The following INSL6 variants were observed in gnomAD, a reference collection of about 807,000 sequenced individuals.
The protein encoded by INSL6 is insulin-like peptide INSL6.
INSL6 carries 16 observed loss-of-function variants against 9.4 expected under a neutral mutation model. That is an observed-to-expected ratio of 1.70 (90% CI 1.15 to 2.59). The LOEUF (loss-of-function observed/expected upper bound fraction) is 2.59. INSL6 is among the 30% of genes most tolerant of loss of function. The pLI is 0.00. For missense variants in INSL6, 391 were observed against 257.3 expected, an observed-to-expected ratio of 1.52 and a Z score of -3.56; for synonymous variants, 154 against 96.9, an observed-to-expected ratio of 1.59 and a Z score of -3.46.
the INSL6 span, chr9:5,085,233 G>A: frequency 1.5e-6 from 1 of 670,656 alleles, no homozygotes; most frequent in South Asian, 1.4e-5. Flanking sequence ...AGGCAAATAG[G>A]ACAGGACCAG....
intron 2 of INSL6, among the ~76,000 whole-genome samples, chr9:5,152,787 G>A (rs992285008): frequency 2.0e-5 from 3 of 152,158 alleles, no homozygotes; most frequent in East Asian, 3.8e-4. Context: ...AGCTCCAGTC[G>A]GCAGCTACCA....
At chr9:5,138,774 T>TA (rs1359092496) in intron 2 of INSL6, among the ~76,000 whole-genome samples, 2 of 151,910 alleles carry the variant, frequency 1.3e-5, no homozygotes, top group African/African-American at 4.8e-5. Flanking sequence ...ATTTAATATC[T>TA]AAAAAAATAG....
At chr9:5,070,409 C>G in the INSL6 span, among the ~76,000 whole-genome samples, 23 of 152,032 alleles carry the variant, frequency 1.5e-4, no homozygotes, top group African/African-American at 4.8e-4. Context: ...AGAAAAAAAT[C>G]CAGCCATCTC....
chr9:5,103,150 A>G, the INSL6 span, among the ~76,000 whole-genome samples: 2 of 147,892 alleles, frequency 1.4e-5, no homozygotes, highest in African/African-American at 2.5e-5. Flanking sequence ...CAGGAGACCA[A>G]TCTCATGTGC....
chr9:5,088,059 G>GTGT, the INSL6 span, among the ~76,000 whole-genome samples: 6 of 152,178 alleles, frequency 3.9e-5, no homozygotes, highest in Non-Finnish European at 8.8e-5. Context: ...TTTCTAAAAT[G>GTGT]TGTTTTGGAA....
At chr9:5,141,201 A>T (rs1324207254) in intron 2 of INSL6, among the ~76,000 whole-genome samples, 1 of 152,026 alleles carries the variant, frequency 6.6e-6, no homozygotes, top group African/African-American at 2.4e-5. Flanking sequence ...AATGATTTAT[A>T]TTTCTTTGTG....
At chr9:5,121,241 C>A (rs149173875), downstream of INSL6, among the ~76,000 whole-genome samples, 33 of 152,282 alleles carry the variant, frequency 2.2e-4, 2 homozygotes, top group East Asian at 6.4e-3. Flanking sequence ...GTATCACAAG[C>A]AGTCCCCTAA....
intron 2 of INSL6, among the ~76,000 whole-genome samples, chr9:5,133,792 C>T (rs916578636): frequency 3.3e-5 from 5 of 151,884 alleles, no homozygotes; most frequent in Non-Finnish European, 5.9e-5. Context: ...TCTTTTCCTC[C>T]AAAGGATCAC....
the INSL6 span, chr9:5,066,746 G>A: frequency 6.3e-7 from 1 of 1,589,206 alleles, no homozygotes; most frequent in Non-Finnish European, 8.5e-7. Context: ...CTTCGATGCA[G>A]TCCTAAGGAC....
the INSL6 span, chr9:5,090,533 A>T: frequency 6.3e-7 from 1 of 1,598,286 alleles, no homozygotes; most frequent in South Asian, 1.1e-5. Flanking sequence ...CGGATAGATC[A>T]CATAAAACTT....
chr9:4,997,644 G>A, the INSL6 span, among the ~76,000 whole-genome samples: 4 of 152,144 alleles, frequency 2.6e-5, no homozygotes, highest in East Asian at 7.7e-4. Flanking sequence ...CATCCAAACT[G>A]TATCAACCTT....
At chr9:5,160,281 G>C (rs1824899632), downstream of INSL6, among the ~76,000 whole-genome samples, 1 of 149,598 alleles carries the variant, frequency 6.7e-6, no homozygotes, top group Admixed American at 6.6e-5. Context: ...AAACTAGAAA[G>C]CAAAAACAAA....
chr9:5,155,388 A>G (rs1352653098), intron 2 of INSL6, among the ~76,000 whole-genome samples: 1 of 150,970 alleles, frequency 6.6e-6, no homozygotes, highest in African/African-American at 2.4e-5. Context: ...TGATGAGTTA[A>G]TGGGTGCAGC....
the INSL6 span, among the ~76,000 whole-genome samples, chr9:5,079,787 C>G: frequency 6.5e-3 from 991 of 151,830 alleles, 6 homozygotes; most frequent in African/African-American, 0.022. Context: ...CCATTGCACT[C>G]TAGCCTGAGT....
chr9:5,082,913 C>T, the INSL6 span, among the ~76,000 whole-genome samples: 2 of 152,236 alleles, frequency 1.3e-5, no homozygotes, highest in East Asian at 1.9e-4. Flanking sequence ...AGCAATTGTT[C>T]AGGGTACAGA....
At chr9:5,067,314 A>G in the INSL6 span, among the ~76,000 whole-genome samples, 3 of 152,168 alleles carry the variant, frequency 2.0e-5, no homozygotes, top group African/African-American at 7.2e-5. Context: ...TAAAACTGCA[A>G]TGAAACCCCA....
At chr9:5,041,530 TGCTCTGCGAGAACTTCCCAGAGGAGATG>T in the INSL6 span, 3 of 542,832 alleles carry the variant, frequency 5.5e-6, no homozygotes, top group Admixed American at 6.7e-5. Flanking sequence ...CCCATCGAAG[TGCTCTGCGAGAACTTCCCAGAGGAGATG>T]GCTACGTACC....
At chr9:5,082,932 G>C in the INSL6 span, among the ~76,000 whole-genome samples, 1 of 152,182 alleles carries the variant, frequency 6.6e-6, no homozygotes, top group Non-Finnish European at 1.5e-5. Flanking sequence ...GATCAAAATG[G>C]AATTTCTTAT....
the INSL6 span, among the ~76,000 whole-genome samples, chr9:5,113,105 C>T: frequency 6.7e-3 from 1,024 of 152,086 alleles, 26 homozygotes; most frequent in East Asian, 0.065. Flanking sequence ...CCCCCTGCCC[C>T]CGTATCTCAG....
Sources: allele counts gnomAD v4.1 joint callset (sites outside exome capture counted in the v4.1 genomes callset), GRCh38; gene constraint gnomAD v4.1.1; transcripts MANE v1.5; gene names NCBI Gene and HGNC (gene_info 2026-07-23, HGNC 2026-07-21).